The following BOK variants were observed in gnomAD, a reference collection of about 807,000 sequenced individuals.
BOK encodes BCL2 family apoptosis regulator BOK.
A neutral mutation model predicts 18.3 loss-of-function variants in BOK; 20 were observed. The observed-to-expected ratio is 1.09, with a 90% CI of 0.77 to 1.59. The LOEUF (loss-of-function observed/expected upper bound fraction) is 1.59, where lower values mean the gene tolerates loss of function less well. Among genes scored for constraint, BOK ranks in the 40% most tolerant of loss-of-function variants. The probability of loss-of-function intolerance (pLI) is 0.00; values close to 1 mark genes in which losing one functional copy is unlikely to be tolerated. For missense variants in BOK, 348 were observed against 307.9 expected (o/e 1.13, Z -0.97); for synonymous variants, 173 against 142.4 (o/e 1.21, Z -1.53).
intron 1 of BOK, among the ~76,000 whole-genome samples, chr2:241,552,909 GAC>G (rs1463034669): frequency 6.6e-6 from 1 of 152,184 alleles, no homozygotes; most frequent in Non-Finnish European, 1.5e-5. Context: ...GGCACGTGCA[GAC>G]ACACACTACC....
chr2:241,570,381 C>T, intron 4 of BOK, 93 bp downstream of exon 4: 1 of 1,079,052 alleles, frequency 9.3e-7, no homozygotes, highest in Non-Finnish European at 1.3e-6. Context: ...CCTCTGAGCG[C>T]CTGGGGGGTG....
chr2:241,560,879 TC>T (rs2066517651), intron 2 of BOK, among the ~76,000 whole-genome samples: 1 of 143,862 alleles, frequency 7.0e-6, no homozygotes, highest in African/African-American at 2.5e-5. Flanking sequence ...GGGACACAGC[TC>T]AGACCTGCAT....
At chr2:241,558,293 G>A (rs912588961), upstream of BOK, among the ~76,000 whole-genome samples, 2 of 152,020 alleles carry the variant, frequency 1.3e-5, no homozygotes, top group African/African-American at 2.4e-5. Context: ...AATACAGGAG[G>A]ATATCCCAAT....
chr2:241,556,932 C>T (rs2066456931), upstream of BOK, among the ~76,000 whole-genome samples: 1 of 152,110 alleles, frequency 6.6e-6, no homozygotes, highest in Admixed American at 6.6e-5. Context: ...GTAGGACTAT[C>T]CAGATTTTCT....
chr2:241,571,364 T>C (rs6754085), intron 4 of BOK, among the ~76,000 whole-genome samples: 52,135 of 149,164 alleles, frequency 0.35, 9,477 homozygotes, highest in East Asian at 0.66. Flanking sequence ...GCCGAGAGTC[T>C]AGCCTTCTTT....
upstream of BOK, among the ~76,000 whole-genome samples, chr2:241,555,704 G>A (rs559702413): frequency 2.0e-5 from 3 of 152,134 alleles, no homozygotes; most frequent in Non-Finnish European, 4.4e-5. Flanking sequence ...GTTCCTTACT[G>A]CTAGCAATGT....
intron 2 of BOK, 117 bp downstream of exon 2, chr2:241,559,820 C>G: frequency 2.6e-6 from 3 of 1,174,798 alleles, no homozygotes; most frequent in Non-Finnish European, 2.2e-6. Context: ...CCTGGGACGG[C>G]CAGGCGCTCG....
In BOK at chr2:241,559,745, C is replaced by T. The variant is rs2066497834; in HGVS notation, c.220+42C>T. ...GGGATCCCCAGCTGCGCCTCCTCCC[C>T]TGCTGGGCCGCAGCCTCCCTCCGAG... On this transcript the variant is annotated intron_variant, in intron 2 of 4. Coordinates refer to ENST00000318407, the MANE Select transcript of BOK (RefSeq NM_032515.5). 3.1e-6 allele frequency: 4 copies of T among 1,281,254 alleles called. No individual in the cohort carries two copies. In the South Asian group the frequency reaches 7.7e-5, roughly 25 times the overall value. 79.4% of individuals were successfully genotyped at this position (1,281,254 alleles called of 1,614,324 possible).
At chr2:241,569,442 A>G (rs1031550528) in intron 3 of BOK, among the ~76,000 whole-genome samples, 2 of 152,210 alleles carry the variant, frequency 1.3e-5, no homozygotes, top group African/African-American at 4.8e-5. Context: ...AAAAGCTTTT[A>G]ATGCAACAGA....
chr2:241,564,349 G>T (rs556063362), intron 3 of BOK, among the ~76,000 whole-genome samples: 1 of 152,208 alleles, frequency 6.6e-6, no homozygotes, highest in Non-Finnish European at 1.5e-5. Context: ...GGCGCTCCTG[G>T]GGTGGCCTCA....
chr2:241,571,781 A>G (rs906265280), intron 4 of BOK, among the ~76,000 whole-genome samples: 4 of 152,240 alleles, frequency 2.6e-5, no homozygotes, highest in Non-Finnish European at 5.9e-5. Flanking sequence ...CCCAGAAGGA[A>G]CTTCAGAGTC....
upstream of BOK, among the ~76,000 whole-genome samples, chr2:241,556,965 G>C (rs758612382): frequency 1.7e-4 from 26 of 152,126 alleles, no homozygotes; most frequent in Non-Finnish European, 3.7e-4. Context: ...GTCAGTTTTG[G>C]TAAGTTGTGT....
At position 241,570,222 on chromosome 2, in the gene BOK, C is replaced by G. The variant is rs140733714; in HGVS notation, c.447C>G (p.Leu149=). Residue 149 remains leucine (L), a synonymous_variant, in exon 4 of 5, where the codon CTC becomes CTG. Coordinates refer to ENST00000318407, the MANE Select transcript of BOK (RefSeq NM_032515.5). ...CCCAGCCTGCCATGGTCCACGCCCTCGTGGACTGCCTGGGGGAGTTCGTGC... is the reference window on the plus strand; with the variant it reads ...CCCAGCCTGCCATGGTCCACGCCCTGGTGGACTGCCTGGGGGAGTTCGTGC... ...RQAQPAMVHA[L]VDCLGEFVRK... 18 of 1,602,154 alleles carry G rather than the reference C, an allele frequency of 1.1e-5. No individual in the cohort carries two copies. In the East Asian group the frequency reaches 3.4e-4, roughly 30 times the overall value.
At chr2:241,558,683 C>G (rs1275280194), upstream of BOK, 1 of 152,284 alleles carries the variant, frequency 6.6e-6, no homozygotes, top group Non-Finnish European at 1.5e-5. Context: ...GCTCGGAAAG[C>G]GTCTCCCCGA....
chr2:241,570,064 T>C, intron 3 of BOK, 61 bp from the exon 4 acceptor site: 2 of 1,557,708 alleles, frequency 1.3e-6, no homozygotes. Context: ...CCCAGCCCCT[T>C]CCTTAAGTGC....
In BOK at chr2:241,572,275, C is replaced by T. The variant is rs555162600; in HGVS notation, c.514-22C>T. ...TGGCGGTGCTGGCTCTGCTTTCTAA[C>T]GGTCTCCCTCTTCCCTCCCAGACTG... On this transcript the variant is annotated intron_variant, in intron 4 of 4. Transcript: ENST00000318407. 2.4e-5 allele frequency: 39 copies of T among 1,607,078 alleles called. No homozygotes were observed. In the East Asian group the frequency reaches 6.9e-4, roughly 29 times the overall value.
chr2:241,558,160 A>G (rs557109616), upstream of BOK, among the ~76,000 whole-genome samples: 1 of 151,654 alleles, frequency 6.6e-6, no homozygotes, highest in African/African-American at 2.4e-5. Context: ...AAATGATGCC[A>G]GGTCAATTGG....
intron 3 of BOK, among the ~76,000 whole-genome samples, chr2:241,568,966 G>T (rs530665506): frequency 6.6e-6 from 1 of 150,916 alleles, no homozygotes; most frequent in Non-Finnish European, 1.5e-5. Flanking sequence ...AGGGACCACT[G>T]CTGACTCCCT....
upstream of BOK, among the ~76,000 whole-genome samples, chr2:241,558,153 T>C (rs1194261416): frequency 1.3e-5 from 2 of 150,524 alleles, no homozygotes; most frequent in East Asian, 2.0e-4. Flanking sequence ...TTTCAATAAA[T>C]GATGCCAGGT....
Sources: allele counts gnomAD v4.1 joint callset (sites outside exome capture counted in the v4.1 genomes callset), GRCh38; gene constraint gnomAD v4.1.1; transcripts MANE v1.5; gene names NCBI Gene and HGNC (gene_info 2026-07-23, HGNC 2026-07-21).